Variants in SMOC2 observed in about 807,000 individuals in gnomAD.
SMOC2 encodes the protein SPARC related modular calcium binding 2, also known as SPARC-related modular calcium-binding protein 2.
A neutral mutation model predicts 61.4 loss-of-function variants in SMOC2; 39 were observed. The ratio of observed to expected loss-of-function variants is 0.64; its 90% confidence interval spans 0.49 to 0.83. The LOEUF (loss-of-function observed/expected upper bound fraction) is 0.83. Ranked by LOEUF, SMOC2 falls within the 40% of genes least tolerant of loss-of-function variation. The pLI, the probability that SMOC2 is intolerant of heterozygous loss-of-function variation, is 0.00. For missense variants in SMOC2, 556 were observed against 592.9 expected (o/e 0.94, Z 0.65); for synonymous variants, 247 against 239.9 (o/e 1.03, Z -0.27).
intron 7 of SMOC2, among the ~76,000 whole-genome samples, chr6:168,582,963 A>G (rs1784955670): frequency 6.6e-6 from 1 of 151,270 alleles, no homozygotes; most frequent in Non-Finnish European, 1.5e-5. Flanking sequence ...CCCCTCCTTC[A>G]AGACTCACGC....
At chr6:168,659,746 G>A (rs1180517539) in intron 11 of SMOC2, among the ~76,000 whole-genome samples, 18 of 151,820 alleles carry the variant, frequency 1.2e-4, no homozygotes, top group African/African-American at 4.4e-4. Context: ...GGTTGGGTGA[G>A]GATGGAGGTT....
intron 1 of SMOC2, among the ~76,000 whole-genome samples, chr6:168,478,725 T>A (rs1053795347): frequency 2.0e-5 from 3 of 152,118 alleles, no homozygotes; most frequent in Non-Finnish European, 4.4e-5. Flanking sequence ...GGGAAAGGAG[T>A]CAGGAACATT....
Position 168,543,679 on chromosome 6 carries a change from A to G in SMOC2, c.511+7A>G, listed in dbSNP as rs755443720. On this transcript the variant is annotated splice_region_variant and intron_variant, in intron 5 of 12. Transcript: ENST00000356284. ...GAAGGCACAGGAAAAACAGGTAACT[A>G]TCTTAGAATAAATGTCTATGACGAT... The G allele has an allele frequency of 1.7e-5, 27 of 1,612,208 alleles. No homozygotes were observed. Among genetic ancestry groups the G allele is most frequent in the Middle Eastern group, 3.3e-4 (2 of 6,074 alleles).
chr6:168,505,717 T>C (rs1450783735), intron 1 of SMOC2, among the ~76,000 whole-genome samples: 1 of 152,254 alleles, frequency 6.6e-6, no homozygotes, highest in East Asian at 1.9e-4. Flanking sequence ...TTGGAAGATT[T>C]AGGTTCTGTG....
chr6:168,547,034 C>A, intron 5 of SMOC2, 85 bp from the exon 6 acceptor site: 2 of 1,533,912 alleles, frequency 1.3e-6, no homozygotes, highest in South Asian at 1.1e-5. Context: ...GAGTGCAAGT[C>A]CTCAGCATCC....
chr6:168,651,127 G>A (rs538731286), intron 10 of SMOC2, among the ~76,000 whole-genome samples: 5 of 152,304 alleles, frequency 3.3e-5, no homozygotes, highest in East Asian at 1.9e-4. Context: ...TAGAGTCATC[G>A]ATTGGATTGT....
intron 8 of SMOC2, among the ~76,000 whole-genome samples, chr6:168,603,242 CT>C (rs35236951): frequency 0.21 from 20,547 of 96,214 alleles, 1,614 homozygotes; most frequent in Admixed American, 0.29. Flanking sequence ...TCAATTAAAC[CT>C]TTTTTTTTTT....
chr6:168,489,279 G>A (rs905541154), intron 1 of SMOC2, among the ~76,000 whole-genome samples: 1 of 148,240 alleles, frequency 6.7e-6, no homozygotes, highest in Non-Finnish European at 1.5e-5. Context: ...GGGTCCCCTT[G>A]GATCACACTG....
intron 11 of SMOC2, among the ~76,000 whole-genome samples, chr6:168,661,812 C>T (rs546805853): frequency 1.9e-4 from 29 of 152,238 alleles, no homozygotes; most frequent in African/African-American, 6.7e-4. Flanking sequence ...GAATTTGAAC[C>T]GTTGGCTGAA....
Position 168,599,137 on chromosome 6 carries a change from G to A in SMOC2, c.824+133G>A, listed in dbSNP as rs76795397. On this transcript the variant is annotated intron_variant, in intron 8 of 12. Transcript: ENST00000356284. ...ACACACACTCACACTCACACACACT[G>A]ATACCACACACATACCCACACACAC... 3.2e-3 allele frequency: 2,558 copies of A among 788,394 alleles called. 47 individuals are homozygous for A. The African/African-American group carries it at 0.036, about 11-fold the overall frequency. 48.8% of individuals were successfully genotyped at this position (788,394 alleles called of 1,614,324 possible).
Position 168,535,968 on chromosome 6 carries a change from G to A in SMOC2, c.464-7657G>A, listed in dbSNP as rs1404484458. On this transcript the variant is annotated intron_variant, in intron 4 of 12. Transcript: ENST00000356284. This position sits in a 1 kb window ranked among gnomAD's most constrained non-coding sequence, Gnocchi z 4.6. ...AACGCAGCAGCCATGCAGCTTCACGGCACAGGGGCCCGGCCGTTCTCTCTG... is the reference window on the plus strand; with the variant it reads ...AACGCAGCAGCCATGCAGCTTCACGACACAGGGGCCCGGCCGTTCTCTCTG... 6.6e-6 allele frequency among the ~76,000 whole-genome samples: 1 copy of A among 152,226 alleles called. No individual in the cohort carries two copies. The highest frequency in any genetic ancestry group is 2.4e-5 in the African/African-American group (1 of 41,464).
At chr6:168,470,859 A>G (rs2115013224) in intron 1 of SMOC2, among the ~76,000 whole-genome samples, 1 of 152,264 alleles carries the variant, frequency 6.6e-6, no homozygotes, top group South Asian at 2.1e-4. Context: ...ATCCAAAGCC[A>G]CAGATGCCAA....
intron 1 of SMOC2, among the ~76,000 whole-genome samples, chr6:168,458,370 C>A (rs921502477): frequency 1.3e-5 from 2 of 150,514 alleles, no homozygotes; most frequent in Non-Finnish European, 2.9e-5. Flanking sequence ...TCTCACCCTG[C>A]CCCTCTGGGG....
intron 2 of SMOC2, among the ~76,000 whole-genome samples, chr6:168,512,366 G>A (rs1783028909): frequency 6.6e-6 from 1 of 152,160 alleles, no homozygotes; most frequent in African/African-American, 2.4e-5. Flanking sequence ...CCAGACCCCA[G>A]CGTCACCAGC....
intron 8 of SMOC2, among the ~76,000 whole-genome samples, chr6:168,599,710 TCA>T (rs201735083): frequency 2.5e-5 from 3 of 120,140 alleles, no homozygotes; most frequent in Non-Finnish European, 5.0e-5. Context: ...ACACCCACAG[TCA>T]CACACAACCA....
chr6:168,500,180 G>A (rs1046831191), intron 1 of SMOC2, among the ~76,000 whole-genome samples: 5 of 151,568 alleles, frequency 3.3e-5, no homozygotes, highest in Admixed American at 2.6e-4. Context: ...ACAGCAACTC[G>A]GGAGGCTGAG....
At chr6:168,609,383 T>C (rs148806430) in intron 9 of SMOC2, among the ~76,000 whole-genome samples, 1 of 152,222 alleles carries the variant, frequency 6.6e-6, no homozygotes, top group Non-Finnish European at 1.5e-5. Flanking sequence ...ATGGTCCTTG[T>C]GTGAGCAATC....
chr6:168,588,688 C>T (rs1221539686), intron 7 of SMOC2, among the ~76,000 whole-genome samples: 1 of 152,166 alleles, frequency 6.6e-6, no homozygotes, highest in Non-Finnish European at 1.5e-5. Flanking sequence ...TTATTCTCTT[C>T]TTGTTTTATT....
rs1239250248 is a variant in SMOC2, at chr6:168,450,472, G to T, written c.84+9018G>T. On this transcript the variant is annotated intron_variant, in intron 1 of 12. Transcript: ENST00000356284. ...TTTAAGTATTTAAACAAGATGCTTAGGTTGTCAGCAGATGGGTCCCCTTCC... is the reference window on the plus strand; with the variant it reads ...TTTAAGTATTTAAACAAGATGCTTATGTTGTCAGCAGATGGGTCCCCTTCC... 3.3e-5 allele frequency among the ~76,000 whole-genome samples: 5 copies of T among 152,188 alleles called. No homozygotes were observed. In the East Asian group the frequency reaches 9.6e-4, roughly 29 times the overall value.
Sources: allele counts gnomAD v4.1 joint callset (sites outside exome capture counted in the v4.1 genomes callset), GRCh38; gene constraint gnomAD v4.1.1; non-coding constraint Gnocchi (gnomAD v3.1); transcripts MANE v1.5; gene names NCBI Gene and HGNC (gene_info 2026-07-23, HGNC 2026-07-21).